The following TMTC2 variants were observed in gnomAD, a reference collection of about 807,000 sequenced individuals.
TMTC2 encodes the protein protein O-mannosyl-transferase TMTC2.
Under a neutral mutation model 82.4 loss-of-function variants are expected in TMTC2, and 43 were observed. The observed-to-expected ratio is 0.52, with a 90% CI of 0.41 to 0.67. TMTC2 has a LOEUF of 0.67. Among genes scored for constraint, TMTC2 ranks in the 30% least tolerant of loss-of-function variants. The pLI, the probability that TMTC2 is intolerant of heterozygous loss-of-function variation, is 0.00. For missense variants in TMTC2, 919 were observed against 1,012.4 expected (o/e 0.91, Z 1.25); for synonymous variants, 408 against 381.9 (o/e 1.07, Z -0.80).
rs2136876770 is a variant in TMTC2 at position 82,687,424 on chromosome 12, G to A, written c.-163G>A. 2 of 655,812 alleles carry A rather than the reference G, an allele frequency of 3.0e-6. No homozygotes were observed. Among genetic ancestry groups the A allele is most frequent in the Non-Finnish European group, 2.7e-6 (1 of 376,960 alleles). The allele number at this position is 655,812 out of a possible 1,614,324, so 40.6% of individuals were successfully genotyped here. A position where few individuals can be genotyped will look rare whatever the true frequency, so the allele number is the denominator to read the frequency against. On this transcript the variant is annotated 5_prime_UTR_variant, in exon 1 of 12. Transcript: ENST00000321196. ...GGAGACGGGCGCGAGGAGGAGGAGA[G>A]GAGTCGTGGATTGGAAGGACCCGAG...
intron 3 of TMTC2, among the ~76,000 whole-genome samples, chr12:82,915,406 C>G (rs1323550401): frequency 6.6e-6 from 1 of 152,146 alleles, no homozygotes; most frequent in African/African-American, 2.4e-5. Context: ...AAGTAATTTA[C>G]TTGGTTGTAC....
chr12:83,022,383 G>A (rs1448578359), intron 8 of TMTC2, among the ~76,000 whole-genome samples: 2 of 97,646 alleles, frequency 2.0e-5, no homozygotes, highest in African/African-American at 8.2e-5. Context: ...CCCCGCCCCA[G>A]TTGTGCATTG....
chr12:82,770,395 T>A lies in TMTC2; in HGVS notation c.83+82726T>A, dbSNP rs2136994207. On this transcript the variant is annotated intron_variant, in intron 1 of 11. Coordinates refer to ENST00000321196, the MANE Select transcript of TMTC2 (RefSeq NM_152588.3). Reference sequence around the variant, plus strand: ...CTCTATTGCAGAAAATTAGAAGAACTGAGCACTCTATTTTATAGTTCAGTA... The same window carrying A: ...CTCTATTGCAGAAAATTAGAAGAACAGAGCACTCTATTTTATAGTTCAGTA... 2.6e-5 allele frequency among the ~76,000 whole-genome samples: 4 copies of A among 152,280 alleles called. 1 individual carries two copies. In the Middle Eastern group the frequency reaches 0.014, roughly 518 times the overall value.
At chr12:83,059,075 A>G (rs575009897) in intron 10 of TMTC2, among the ~76,000 whole-genome samples, 15 of 151,976 alleles carry the variant, frequency 9.9e-5, no homozygotes, top group African/African-American at 2.9e-4. Context: ...GGATACGAGT[A>G]TGCAGGAAGT....
chr12:83,027,978 G>T (rs10862564), intron 8 of TMTC2, among the ~76,000 whole-genome samples: 90,027 of 151,890 alleles, frequency 0.59, 27,205 homozygotes, highest in South Asian at 0.73. Context: ...TTAAATCTTT[G>T]CATATGACAT....
At chr12:82,734,840 A>T (rs1384087242) in intron 1 of TMTC2, among the ~76,000 whole-genome samples, 1 of 152,206 alleles carries the variant, frequency 6.6e-6, no homozygotes, top group Non-Finnish European at 1.5e-5. Context: ...AAGTCACTGC[A>T]CTGTCAGAAA....
chr12:82,693,458 T>A (rs983758315), intron 1 of TMTC2, among the ~76,000 whole-genome samples: 1 of 152,172 alleles, frequency 6.6e-6, no homozygotes, highest in Non-Finnish European at 1.5e-5. Flanking sequence ...GTCGTTTTTC[T>A]TGGATGTCTG....
In TMTC2 at chr12:83,030,821, G is replaced by A; in HGVS notation, c.2094G>A (p.Lys698=). 6.2e-7 allele frequency: 1 copy of A among 1,613,644 alleles called. No individual in the cohort carries two copies. The highest frequency in any genetic ancestry group is 8.5e-7 in the Non-Finnish European group (1 of 1,179,648). ...ALTGRKSEAE[K]LFLKAIELDP... is the part of the protein sequence containing the mutation. ...AGGGTCGTAAGAGTGAGGCTGAAAA[G>A]CTCTTCTTGAAGGCTATTGAGCTGG... is the stretch of plus-strand genomic sequence containing the variant. The change falls in exon 9 of 12, where the codon AAG becomes AAA. Residue 698 remains lysine, a synonymous_variant. Coordinates refer to ENST00000321196, the MANE Select transcript of TMTC2 (RefSeq NM_152588.3).
chr12:83,025,064 A>C (rs986398941), intron 8 of TMTC2, among the ~76,000 whole-genome samples: 2 of 152,050 alleles, frequency 1.3e-5, no homozygotes, highest in African/African-American at 4.8e-5. Flanking sequence ...GTGGTGGTGC[A>C]TGCTCTAGTG....
chr12:82,745,829 C>G (rs1183689112), intron 1 of TMTC2, among the ~76,000 whole-genome samples: 1 of 152,270 alleles, frequency 6.6e-6, no homozygotes, highest in Middle Eastern at 3.4e-3. Context: ...TTCAGAGCAT[C>G]GAGGAATATA....
intron 1 of TMTC2, among the ~76,000 whole-genome samples, chr12:82,733,445 A>G (rs1874934082): frequency 6.6e-6 from 1 of 152,210 alleles, no homozygotes; most frequent in Admixed American, 6.5e-5. Flanking sequence ...AGCATTAAGC[A>G]GCTAATTCCT....
At chr12:82,988,409 G>C (rs990166895) in intron 8 of TMTC2, among the ~76,000 whole-genome samples, 1 of 152,172 alleles carries the variant, frequency 6.6e-6, no homozygotes, top group Non-Finnish European at 1.5e-5. Flanking sequence ...AAATGGGGTA[G>C]TAAATTGCAG....
At chr12:82,921,069 A>G (rs2019383) in intron 3 of TMTC2, among the ~76,000 whole-genome samples, 43 of 152,066 alleles carry the variant, frequency 2.8e-4, no homozygotes, top group African/African-American at 9.4e-4. Context: ...AGATAGTTTT[A>G]TTTTGTTACT....
chr12:82,731,365 G>A (rs1182806469), intron 1 of TMTC2, among the ~76,000 whole-genome samples: 1 of 152,134 alleles, frequency 6.6e-6, no homozygotes, highest in African/African-American at 2.4e-5. Flanking sequence ...TGAATTTAGA[G>A]TTTTTTCTCA....
chr12:82,723,062 G>A (rs1409546454), intron 1 of TMTC2, among the ~76,000 whole-genome samples: 3 of 152,188 alleles, frequency 2.0e-5, no homozygotes, highest in African/African-American at 7.2e-5. Flanking sequence ...CACAGAGCCT[G>A]ACACATAGTA....
intron 11 of TMTC2, among the ~76,000 whole-genome samples, chr12:83,126,259 G>A (rs987267158): frequency 1.3e-5 from 2 of 152,058 alleles, no homozygotes; most frequent in Non-Finnish European, 2.9e-5. Context: ...AATGTGTACT[G>A]GACTGTTAAG....
intron 1 of TMTC2, among the ~76,000 whole-genome samples, chr12:82,715,341 G>T (rs1873847486): frequency 6.6e-6 from 1 of 152,098 alleles, no homozygotes; most frequent in South Asian, 2.1e-4. Flanking sequence ...AAATCAGAGT[G>T]ATGACACCAC....
chr12:82,893,110 G>A (rs937325233), intron 2 of TMTC2, among the ~76,000 whole-genome samples: 2 of 152,040 alleles, frequency 1.3e-5, no homozygotes, highest in African/African-American at 4.8e-5. Context: ...GGTGGCTCAC[G>A]CCTGTAATCC....
intron 3 of TMTC2, among the ~76,000 whole-genome samples, chr12:82,908,616 C>G (rs1003972972): frequency 6.6e-6 from 1 of 152,078 alleles, no homozygotes; most frequent in African/African-American, 2.4e-5. Flanking sequence ...GTCAGTTTCT[C>G]TCTTGTGGTG....
Sources: allele counts gnomAD v4.1 joint callset (sites outside exome capture counted in the v4.1 genomes callset), GRCh38; gene constraint gnomAD v4.1.1; transcripts MANE v1.5; gene names NCBI Gene and HGNC (gene_info 2026-07-23, HGNC 2026-07-21).